The following NAPB variants were observed in gnomAD, a reference collection of about 807,000 sequenced individuals.
NAPB encodes beta-soluble NSF attachment protein.
Under a neutral mutation model 44.7 loss-of-function variants are expected in NAPB, and 26 were observed. The ratio of observed to expected loss-of-function variants is 0.58; its 90% CI spans 0.43 to 0.81. The LOEUF is 0.81. Among genes scored for constraint, NAPB ranks in the 30% least tolerant of loss-of-function variants. The probability of loss-of-function intolerance (pLI) is 0.00; values close to 1 mark genes in which losing one functional copy is unlikely to be tolerated. For missense variants in NAPB, 315 were observed against 356.4 expected, an observed-to-expected ratio of 0.88 and a Z score of 0.94; for synonymous variants, 120 against 116.8, an observed-to-expected ratio of 1.03 and a Z score of -0.18.
intron 1 of NAPB, among the ~76,000 whole-genome samples, chr20:23,415,376 A>G (rs560212678): frequency 1.3e-5 from 2 of 152,256 alleles, no homozygotes; most frequent in African/African-American, 4.8e-5. Flanking sequence ...TGGACGGATC[A>G]TGAGGTCAGA....
intron 1 of NAPB, among the ~76,000 whole-genome samples, chr20:23,417,364 G>A (rs369853191): frequency 1.3e-5 from 2 of 152,298 alleles, no homozygotes; most frequent in East Asian, 1.9e-4. Context: ...GATTACAGGC[G>A]TGAGCCACTG....
intron 1 of NAPB, among the ~76,000 whole-genome samples, chr20:23,405,051 C>A (rs1985136302): frequency 6.6e-6 from 1 of 152,158 alleles, no homozygotes; most frequent in African/African-American, 2.4e-5. Flanking sequence ...GCCTGTAATC[C>A]CAGCACTTTG....
intron 1 of NAPB, among the ~76,000 whole-genome samples, chr20:23,418,370 T>C (rs761046470): frequency 9.2e-5 from 14 of 152,184 alleles, no homozygotes; most frequent in Non-Finnish European, 1.8e-4. Context: ...TATTCCAGTC[T>C]AGAAAGGTGA....
chr20:23,403,007 G>A lies in NAPB; in HGVS notation c.164C>T (p.Ala55Val), dbSNP rs1383850924. ...YTRAANMFKM[A>V]KNWSAAGNAF... is the part of the protein sequence containing the mutation. The stretch of plus-strand genomic sequence containing the variant: ...TTTGTACATACCACTCCAATTTTTA[G>A]CCATCTTGAACATATTTGCAGCTCT... Residue 55 changes from alanine (A) to valine (V), a missense_variant, in exon 2 of 11, where the codon GCT (alanine) becomes GTT (valine). By Grantham distance (64) the Ala-to-Val change is moderately conservative. This residue lies in a region of NAPB where 179 missense variants were observed against 182.5 expected (regional missense o/e 0.98). Transcript: ENST00000377026. The A allele has an allele frequency of 6.2e-7, 1 of 1,612,922 alleles. No individual in the cohort carries two copies. Among genetic ancestry groups the A allele is most frequent in the Non-Finnish European group, 8.5e-7 (1 of 1,179,432 alleles).
At chr20:23,395,276 G>A (rs911671300) in intron 3 of NAPB, 91 bp from the exon 4 acceptor site, 21 of 1,338,850 alleles carry the variant, frequency 1.6e-5, no homozygotes, top group Middle Eastern at 1.9e-4. Flanking sequence ...TTATCAGAAC[G>A]TTAATGAGGT....
chr20:23,404,835 ACTGT>A (rs1374211275), intron 1 of NAPB, among the ~76,000 whole-genome samples: 2 of 152,252 alleles, frequency 1.3e-5, no homozygotes, highest in Non-Finnish European at 2.9e-5. Context: ...AGGATGGGCT[ACTGT>A]CTGTCAAAAG....
intron 1 of NAPB, among the ~76,000 whole-genome samples, chr20:23,408,434 T>G (rs1404715698): frequency 6.6e-6 from 1 of 152,144 alleles, no homozygotes; most frequent in Non-Finnish European, 1.5e-5. Context: ...TGCCTCAAAA[T>G]AATAAGCAAA....
chr20:23,385,291 C>T (rs1983402637), intron 7 of NAPB, among the ~76,000 whole-genome samples: 1 of 152,088 alleles, frequency 6.6e-6, no homozygotes, highest in East Asian at 1.9e-4. Context: ...AAGAAAATTA[C>T]CAGAGACAGA....
At chr20:23,414,900 CTCTT>C (rs1985897749) in intron 1 of NAPB, among the ~76,000 whole-genome samples, 1 of 152,034 alleles carries the variant, frequency 6.6e-6, no homozygotes, top group Non-Finnish European at 1.5e-5. Context: ...ACAATATATT[CTCTT>C]TGACTCCATA....
chr20:23,415,503 A>T (rs1237131736), intron 1 of NAPB, among the ~76,000 whole-genome samples: 1 of 152,188 alleles, frequency 6.6e-6, no homozygotes, highest in African/African-American at 2.4e-5. Context: ...CTGAGGCAGC[A>T]GAATCACTTG....
chr20:23,406,566 T>C (rs531577493), intron 1 of NAPB, among the ~76,000 whole-genome samples: 160 of 152,300 alleles, frequency 1.1e-3, no homozygotes, highest in African/African-American at 3.8e-3. Flanking sequence ...ATACCAAAAA[T>C]GAAGTGTCAG....
intron 5 of NAPB, 102 bp from the exon 6 acceptor site, chr20:23,390,366 A>T: frequency 1.0e-6 from 1 of 962,260 alleles, no homozygotes; most frequent in South Asian, 1.4e-5. Flanking sequence ...CTACTCTACC[A>T]GCAAACTTTT....
At chr20:23,395,906 T>C (rs1332806707) in intron 3 of NAPB, among the ~76,000 whole-genome samples, 1 of 152,184 alleles carries the variant, frequency 6.6e-6, no homozygotes, top group Non-Finnish European at 1.5e-5. Flanking sequence ...GGCAGCAAAG[T>C]AGAAAGGCCT....
chr20:23,390,040 A>C lies in NAPB; in HGVS notation c.477-10T>G. Reference sequence around the variant, plus strand: ...ACACTTGTTTGCTGAGCTGAAATCAAGAACCAAAGCAGAGTGAGTAACAAG... The same window carrying C: ...ACACTTGTTTGCTGAGCTGAAATCACGAACCAAAGCAGAGTGAGTAACAAG... On this transcript the variant is annotated splice_polypyrimidine_tract_variant and intron_variant, in intron 6 of 10. Coordinates refer to ENST00000377026, the MANE Select transcript of NAPB (RefSeq NM_022080.3). 2.5e-6 allele frequency: 4 copies of C among 1,613,850 alleles called. No individual in the cohort carries two copies. Among genetic ancestry groups the C allele is most frequent in the Non-Finnish European group, 3.4e-6 (4 of 1,179,844 alleles).
intron 1 of NAPB, among the ~76,000 whole-genome samples, chr20:23,409,917 T>C (rs1466014765): frequency 6.6e-6 from 1 of 152,202 alleles, no homozygotes; most frequent in Non-Finnish European, 1.5e-5. Context: ...GAGTTTAACC[T>C]GGCAATCATT....
At chr20:23,390,319 A>G (rs1983853946) in intron 5 of NAPB, 55 bp from the exon 6 acceptor site, 1 of 1,441,126 alleles carries the variant, frequency 6.9e-7, no homozygotes, top group African/African-American at 1.4e-5. Flanking sequence ...CTGCATTTTA[A>G]AACTACATTT....
At chr20:23,395,762 T>C (rs1031615190) in intron 3 of NAPB, among the ~76,000 whole-genome samples, 1 of 152,188 alleles carries the variant, frequency 6.6e-6, no homozygotes, top group South Asian at 2.1e-4. Flanking sequence ...ACAAATCTAA[T>C]AAATAATAAT....
chr20:23,395,590 T>C (rs1984298506), intron 3 of NAPB, among the ~76,000 whole-genome samples: 1 of 152,184 alleles, frequency 6.6e-6, no homozygotes, highest in Admixed American at 6.5e-5. Context: ...TTTTGGAACA[T>C]GGCACCACAT....
chr20:23,401,602 C>T (rs1189062210), intron 2 of NAPB, among the ~76,000 whole-genome samples: 9 of 152,146 alleles, frequency 5.9e-5, no homozygotes, highest in Non-Finnish European at 8.8e-5. Flanking sequence ...TGGTCTCAGC[C>T]GGGCACAGTG....
Sources: gnomAD v4.1 joint callset for allele counts (sites outside exome capture counted in the v4.1 genomes callset) on GRCh38, gnomAD v4.1.1 for gene constraint, gnomAD v4.1.1 regional missense constraint, MANE v1.5 for transcripts, NCBI Gene and HGNC (gene_info 2026-07-23, HGNC 2026-07-21) for gene names.